EIF4EBP1: variants seen among roughly 807,000 people sequenced by gnomAD.
EIF4EBP1 encodes the protein eukaryotic translation initiation factor 4E binding protein 1, also known as eukaryotic translation initiation factor 4E-binding protein 1.
In EIF4EBP1, 5 loss-of-function variants were observed where a neutral mutation model predicts 9.2. The observed-to-expected ratio is 0.54, with a 90% confidence interval of 0.28 to 1.14. The LOEUF (loss-of-function observed/expected upper bound fraction) is 1.14. Among genes scored for constraint, EIF4EBP1 ranks in the 50% most tolerant of loss-of-function variants. EIF4EBP1 has a pLI of 0.09. For missense variants in EIF4EBP1, 139 were observed against 169.6 expected, an observed-to-expected ratio of 0.82 and a Z score of 1.00; for synonymous variants, 62 against 67.0, an observed-to-expected ratio of 0.93 and a Z score of 0.36.
chr8:38,044,833 C>T (rs1478739222), intron 1 of EIF4EBP1, among the ~76,000 whole-genome samples: 1 of 152,176 alleles, frequency 6.6e-6, no homozygotes, highest in Non-Finnish European at 1.5e-5. Flanking sequence ...GCCTCAGTTT[C>T]CTCTTCTGCA....
At chr8:38,034,380 G>A (rs1268567544) in intron 1 of EIF4EBP1, among the ~76,000 whole-genome samples, 1 of 152,056 alleles carries the variant, frequency 6.6e-6, no homozygotes, top group Non-Finnish European at 1.5e-5. Context: ...TTAACCATTT[G>A]CACACTGAGG....
In EIF4EBP1 at chr8:38,031,078, A is replaced by T. The variant is rs538816460; in HGVS notation, c.145+360A>T. ...GCGGAGTTAGGGTGGCCCACGATCC[A>T]GGAGAGGCCTGGCCTGGTGTTTTTA... On this transcript the variant is annotated intron_variant, in intron 1 of 2. Coordinates refer to ENST00000338825, the MANE Select transcript of EIF4EBP1 (RefSeq NM_004095.4). 9.3e-4 allele frequency among the ~76,000 whole-genome samples: 142 copies of T among 152,312 alleles called. 2 individuals carry two copies. Among genetic ancestry groups the T allele is most frequent in the African/African-American group, 3.2e-3 (133 of 41,580 alleles).
chr8:38,035,478 A>G (rs1809286756), intron 1 of EIF4EBP1, among the ~76,000 whole-genome samples: 1 of 151,976 alleles, frequency 6.6e-6, no homozygotes, highest in Admixed American at 6.6e-5. Context: ...TCAGCTTCCC[A>G]AAGTGCTGGG....
intron 1 of EIF4EBP1, among the ~76,000 whole-genome samples, chr8:38,052,150 C>T (rs1809533485): frequency 6.6e-6 from 1 of 152,212 alleles, no homozygotes; most frequent in Non-Finnish European, 1.5e-5. Flanking sequence ...CTGAAGGGAC[C>T]TTGGCATCCA....
chr8:38,034,154 C>T (rs941099318), intron 1 of EIF4EBP1, among the ~76,000 whole-genome samples: 2 of 152,140 alleles, frequency 1.3e-5, no homozygotes, highest in Admixed American at 1.3e-4. Flanking sequence ...TCAAGTGATC[C>T]TCCTGCCTCA....
chr8:38,041,865 A>G (rs1033922972), intron 1 of EIF4EBP1, among the ~76,000 whole-genome samples: 2 of 151,924 alleles, frequency 1.3e-5, no homozygotes, highest in African/African-American at 4.8e-5. Flanking sequence ...AGCAGCATGC[A>G]CCTCTAGTCC....
At chr8:38,038,801 C>A (rs1192191798) in intron 1 of EIF4EBP1, among the ~76,000 whole-genome samples, 1 of 152,102 alleles carries the variant, frequency 6.6e-6, no homozygotes, top group Admixed American at 6.6e-5. Context: ...GGACAAATGG[C>A]CAGTCACAAG....
chr8:38,059,008 C>G (rs1321904911), intron 2 of EIF4EBP1, among the ~76,000 whole-genome samples: 1 of 152,298 alleles, frequency 6.6e-6, no homozygotes, highest in Middle Eastern at 3.4e-3. Context: ...CATTTGAGCC[C>G]AGGAGGTCAA....
rs536846760 is a variant in EIF4EBP1, at chr8:38,040,013, C to T, written c.145+9295C>T. 2.1e-3 allele frequency among the ~76,000 whole-genome samples: 319 copies of T among 152,150 alleles called. 5 individuals are homozygous for T. The highest frequency in any genetic ancestry group is 2.2e-3 in the Non-Finnish European group (148 of 68,016). On this transcript the variant is annotated intron_variant, in intron 1 of 2. Coordinates refer to ENST00000338825, the MANE Select transcript of EIF4EBP1 (RefSeq NM_004095.4). ...AAGCAATCTTCCTGCCTCAGCTTCC[C>T]GAGTAGCTGGGACCACAGGCACATG... is the stretch of plus-strand genomic sequence containing the variant.
intron 2 of EIF4EBP1, among the ~76,000 whole-genome samples, chr8:38,059,438 C>G (rs1045018122): frequency 1.3e-5 from 2 of 152,108 alleles, no homozygotes; most frequent in Non-Finnish European, 2.9e-5. Context: ...GTACAGCCTG[C>G]AGAACCGCGA....
chr8:38,037,927 C>T (rs1427589602), intron 1 of EIF4EBP1, among the ~76,000 whole-genome samples: 1 of 151,952 alleles, frequency 6.6e-6, no homozygotes, highest in African/African-American at 2.4e-5. Context: ...GCACACACCA[C>T]CACGCCTGGC....
intron 1 of EIF4EBP1, among the ~76,000 whole-genome samples, chr8:38,035,709 A>C (rs1157633007): frequency 6.7e-6 from 1 of 149,868 alleles, no homozygotes; most frequent in Non-Finnish European, 1.5e-5. Context: ...TTATTTATTT[A>C]TTTATTATTA....
intron 1 of EIF4EBP1, among the ~76,000 whole-genome samples, chr8:38,037,931 G>A (rs529710750): frequency 2.0e-5 from 3 of 151,796 alleles, no homozygotes; most frequent in Non-Finnish European, 2.9e-5. Flanking sequence ...ACACCACCAC[G>A]CCTGGCTAAT....
At chr8:38,059,354 C>T (rs527856152) in intron 2 of EIF4EBP1, among the ~76,000 whole-genome samples, 75 of 152,282 alleles carry the variant, frequency 4.9e-4, no homozygotes, top group Non-Finnish European at 9.4e-4. Context: ...TGCCTGCTCC[C>T]GCTTTGCTTT....
chr8:38,057,054 T>C (rs1563236508), intron 1 of EIF4EBP1, 27 bp from the exon 2 acceptor site: 1 of 1,575,240 alleles, frequency 6.3e-7, no homozygotes. Flanking sequence ...TGCAGATGGC[T>C]TGACCAACCT....
intron 1 of EIF4EBP1, among the ~76,000 whole-genome samples, chr8:38,050,126 G>T (rs1269164680): frequency 6.6e-6 from 1 of 151,996 alleles, no homozygotes; most frequent in African/African-American, 2.4e-5. Context: ...TGGCCAGGCT[G>T]GTCTTGAACT....
chr8:38,048,460 A>G (rs1199262408), intron 1 of EIF4EBP1, among the ~76,000 whole-genome samples: 2 of 152,106 alleles, frequency 1.3e-5, no homozygotes, highest in African/African-American at 4.8e-5. Flanking sequence ...GGTTTTCCCA[A>G]ACCTTCCAGA....
At chr8:38,048,617 G>A (rs1298394270) in intron 1 of EIF4EBP1, among the ~76,000 whole-genome samples, 1 of 152,056 alleles carries the variant, frequency 6.6e-6, no homozygotes, top group Non-Finnish European at 1.5e-5. Context: ...TGTCAATGTG[G>A]GGTTCCCTGA....
At chr8:38,030,798 C>G in intron 1 of EIF4EBP1, 80 bp downstream of exon 1, 5 of 1,365,952 alleles carry the variant, frequency 3.7e-6, no homozygotes, top group Non-Finnish European at 3.8e-6. Context: ...GACCGGGTGT[C>G]CAGGCTCAAG....
Sources: gnomAD v4.1 joint callset for allele counts (sites outside exome capture counted in the v4.1 genomes callset) on GRCh38, gnomAD v4.1.1 for gene constraint, MANE v1.5 for transcripts, NCBI Gene and HGNC (gene_info 2026-07-23, HGNC 2026-07-21) for gene names.